Variants in MGAT4C observed in about 807,000 individuals in gnomAD.
MGAT4C encodes MGAT4 family member C.
MGAT4C carries 19 observed loss-of-function variants against 40.1 expected under a neutral mutation model. The observed-to-expected ratio is 0.47, with a 90% CI of 0.33 to 0.70. MGAT4C has a LOEUF of 0.70. Among genes scored for constraint, MGAT4C ranks in the 30% least tolerant of loss-of-function variants. The pLI is 0.02. For synonymous variants in MGAT4C, 181 were observed against 187.1 expected, an observed-to-expected ratio of 0.97 and a Z score of 0.27; for missense variants, 491 against 563.2, an observed-to-expected ratio of 0.87 and a Z score of 1.30.
chr12:86,370,572 G>A (rs752006993), intron 3 of MGAT4C, among the ~76,000 whole-genome samples: 1 of 151,990 alleles, frequency 6.6e-6, no homozygotes, highest in African/African-American at 2.4e-5. Flanking sequence ...GTATAGATAG[G>A]TGCTAACAAA....
intron 2 of MGAT4C, among the ~76,000 whole-genome samples, chr12:86,694,536 A>AT (rs1303703926): frequency 1.1e-4 from 16 of 152,196 alleles, no homozygotes; most frequent in South Asian, 2.1e-4. Flanking sequence ...AATTTGATGT[A>AT]TTTTTTCCTT....
At chr12:86,428,651 T>C (rs11833014) in intron 3 of MGAT4C, among the ~76,000 whole-genome samples, 3,457 of 152,342 alleles carry the variant, frequency 0.023, 131 homozygotes, top group African/African-American at 0.079. Context: ...TATTCCCTTG[T>C]TAATAGTTTG....
chr12:86,278,098 AT>A (rs1198150828), intron 4 of MGAT4C, among the ~76,000 whole-genome samples: 2 of 144,462 alleles, frequency 1.4e-5, no homozygotes, highest in African/African-American at 5.1e-5. Context: ...TATTGCAGAG[AT>A]TTTTTTCACT....
At chr12:86,612,458 A>G (rs2136476943) in intron 2 of MGAT4C, among the ~76,000 whole-genome samples, 1 of 152,254 alleles carries the variant, frequency 6.6e-6, no homozygotes, top group East Asian at 1.9e-4. Context: ...CAATTTAAAA[A>G]GTAGATGTGG....
At chr12:86,588,867 A>G (rs916700688) in intron 2 of MGAT4C, among the ~76,000 whole-genome samples, 2 of 151,940 alleles carry the variant, frequency 1.3e-5, no homozygotes, top group African/African-American at 2.4e-5. Context: ...GAACAAAGAC[A>G]CAACATACCA....
At chr12:86,122,041 A>C (rs984837180) in intron 1 of MGAT4C, among the ~76,000 whole-genome samples, 1 of 152,234 alleles carries the variant, frequency 6.6e-6, no homozygotes, top group Admixed American at 6.5e-5. Flanking sequence ...ATTGCTCAGA[A>C]ATAACTAAAA....
intron 1 of MGAT4C, among the ~76,000 whole-genome samples, chr12:86,124,895 T>C (rs839174): frequency 0.58 from 88,499 of 151,882 alleles, 26,013 homozygotes; most frequent in South Asian, 0.72. Context: ...CAGTCTCTTG[T>C]CATTGATAAT....
chr12:86,830,795 C>G (rs996720227), intron 1 of MGAT4C, among the ~76,000 whole-genome samples: 2 of 151,688 alleles, frequency 1.3e-5, no homozygotes, highest in African/African-American at 4.8e-5. Context: ...CCTCAGGCCT[C>G]TGCTTTCTAG....
At chr12:86,189,631 A>G (rs1889148540) in intron 1 of MGAT4C, among the ~76,000 whole-genome samples, 1 of 152,052 alleles carries the variant, frequency 6.6e-6, no homozygotes, top group South Asian at 2.1e-4. Context: ...AAACTGGAAA[A>G]TCTTTTATTT....
At position 86,593,360 on chromosome 12, in the gene MGAT4C, T is replaced by C. The variant is rs570935847; in HGVS notation, c.-229+133849A>G. On this transcript the variant is annotated intron_variant, in intron 2 of 7. Transcript: ENST00000548651. ...ATTGATTTTCTCTACTGTTTTTCCATTGTCTATTTCATTAATTTCTGCTCT... is the reference window on the plus strand; with the variant it reads ...ATTGATTTTCTCTACTGTTTTTCCACTGTCTATTTCATTAATTTCTGCTCT... 3.2e-4 allele frequency among the ~76,000 whole-genome samples: 48 copies of C among 152,228 alleles called. 1 individual carries two copies. Among genetic ancestry groups the C allele is most frequent in the African/African-American group, 1.1e-3 (47 of 41,542 alleles).
At chr12:86,337,114 C>CGAT (rs545364094) in intron 3 of MGAT4C, among the ~76,000 whole-genome samples, 1 of 151,600 alleles carries the variant, frequency 6.6e-6, no homozygotes. Flanking sequence ...AGAAAATGAT[C>CGAT]GATGATGATG....
At position 86,366,419 on chromosome 12, in the gene MGAT4C, G is replaced by A. The variant is rs78368613; in HGVS notation, c.-119-32292C>T. 7.3e-3 allele frequency among the ~76,000 whole-genome samples: 1,109 copies of A among 152,210 alleles called. 20 individuals are homozygous for A. Among genetic ancestry groups the A allele is most frequent in the East Asian group, 0.048 (248 of 5,174 alleles). On this transcript the variant is annotated intron_variant, in intron 3 of 7. Transcript: ENST00000548651. ...CTTTGGCTAGGACTTTTGGTACTATGTTGAAGGAAATGGTTCTGTAGGTCA... is the reference window on the plus strand; with the variant it reads ...CTTTGGCTAGGACTTTTGGTACTATATTGAAGGAAATGGTTCTGTAGGTCA...
intron 1 of MGAT4C, among the ~76,000 whole-genome samples, chr12:86,807,118 G>A (rs1268224428): frequency 2.6e-5 from 4 of 151,878 alleles, no homozygotes; most frequent in African/African-American, 9.7e-5. Flanking sequence ...ATATTATTTA[G>A]TTTTTATTTT....
At chr12:86,349,533 G>A (rs80064446) in intron 3 of MGAT4C, among the ~76,000 whole-genome samples, 3 of 152,078 alleles carry the variant, frequency 2.0e-5, no homozygotes, top group African/African-American at 7.2e-5. Flanking sequence ...AGAGCCTCTT[G>A]TAAACCCTCT....
chr12:86,303,428 A>C (rs572436890), intron 4 of MGAT4C, among the ~76,000 whole-genome samples: 1 of 150,550 alleles, frequency 6.6e-6, no homozygotes, highest in South Asian at 2.1e-4. Flanking sequence ...ATGAAATCAG[A>C]ATCTTATAGT....
At chr12:86,803,579 A>G (rs1261369207) in intron 1 of MGAT4C, among the ~76,000 whole-genome samples, 1 of 149,790 alleles carries the variant, frequency 6.7e-6, no homozygotes, top group Non-Finnish European at 1.5e-5. Context: ...GAAAAAAACA[A>G]ACAACCCCAT....
intron 1 of MGAT4C, among the ~76,000 whole-genome samples, chr12:86,230,334 A>G (rs1951262251): frequency 6.6e-6 from 1 of 152,014 alleles, no homozygotes. Context: ...ATATTAATGA[A>G]CAGCCCTACA....
chr12:86,550,713 G>A (rs1433835827), intron 2 of MGAT4C, among the ~76,000 whole-genome samples: 2 of 152,180 alleles, frequency 1.3e-5, no homozygotes, highest in Non-Finnish European at 2.9e-5. Flanking sequence ...ACTCCCAGCT[G>A]GAGAAACAGT....
At chr12:86,676,010 T>C (rs1346988506) in intron 2 of MGAT4C, among the ~76,000 whole-genome samples, 1 of 148,434 alleles carries the variant, frequency 6.7e-6, no homozygotes, top group Non-Finnish European at 1.5e-5. Flanking sequence ...AGTTTATAAA[T>C]AAATACGAAA....
Sources: allele counts gnomAD v4.1 joint callset (sites outside exome capture counted in the v4.1 genomes callset), GRCh38; gene constraint gnomAD v4.1.1; transcripts MANE v1.5; gene names NCBI Gene and HGNC (gene_info 2026-07-23, HGNC 2026-07-21).